The following IL7 variants were observed in gnomAD, a reference collection of about 807,000 sequenced individuals.
IL7 encodes the protein interleukin-7.
A neutral mutation model predicts 21.6 loss-of-function variants in IL7; 3 were observed. The ratio of observed to expected loss-of-function variants is 0.14; its 90% CI spans 0.06 to 0.36. IL7 has a LOEUF of 0.36. IL7 is among the 10% of genes least tolerant of loss of function. The pLI is 1.00. For synonymous variants in IL7, 62 were observed against 68.1 expected (o/e 0.91, Z 0.44); for missense variants, 175 against 200.2 (o/e 0.87, Z 0.76).
chr8:78,757,436 C>A (rs756672692), intron 2 of IL7, among the ~76,000 whole-genome samples: 1 of 152,004 alleles, frequency 6.6e-6, no homozygotes, highest in African/African-American at 2.4e-5. Flanking sequence ...TCCAATATTT[C>A]TTTGTTGATT....
intron 5 of IL7, among the ~76,000 whole-genome samples, chr8:78,735,276 C>CTTTTTTTTTTTTTTTTGTTT (rs1328298966): frequency 1.3e-5 from 1 of 78,514 alleles, no homozygotes; most frequent in Non-Finnish European, 2.3e-5. Flanking sequence ...CTTTTCTTTT[C>CTTTTTTTTTTTTTTTTGTTT]TTTTTTTTTT....
At position 78,706,345 on chromosome 8, in the gene IL7, G is replaced by T. The variant is rs376777559; in HGVS notation, n.214+15003C>A. ...AACATCCTGCTTTGCTGGAGTTGCA[G>T]TTACTTTTGCTGGGAAGTTTGGAGT... On this transcript the variant is annotated intron_variant and non_coding_transcript_variant, in intron 3 of 4. Coordinates refer to the IL7 transcript ENST00000523959. Among the ~76,000 whole-genome samples, 7 of 152,318 alleles carry T rather than the reference G, an allele frequency of 4.6e-5. No individual in the cohort carries two copies. The East Asian group carries it at 7.7e-4, about 17-fold the overall frequency.
At chr8:78,684,471 G>C (rs544983812) in intron 4 of IL7, among the ~76,000 whole-genome samples, 1 of 152,182 alleles carries the variant, frequency 6.6e-6, no homozygotes, top group African/African-American at 2.4e-5. Flanking sequence ...ACCTCCTACC[G>C]AGTACCCCCA....
chr8:78,716,855 A>T (rs954257578), downstream of IL7, among the ~76,000 whole-genome samples: 4 of 152,050 alleles, frequency 2.6e-5, no homozygotes, highest in Non-Finnish European at 4.4e-5. Context: ...TTCTCAATGT[A>T]TCTGATTGTT....
chr8:78,793,899 A>G (rs1408406894), intron 2 of IL7, among the ~76,000 whole-genome samples: 1 of 152,104 alleles, frequency 6.6e-6, no homozygotes, highest in African/African-American at 2.4e-5. Flanking sequence ...ATCTTTACTC[A>G]AAGTAAAATC....
At chr8:78,713,552 G>A (rs1172826390), downstream of IL7, among the ~76,000 whole-genome samples, 3 of 151,942 alleles carry the variant, frequency 2.0e-5, no homozygotes, top group African/African-American at 4.8e-5. Context: ...GACTCTAGTA[G>A]TTCTACAACA....
downstream of IL7, among the ~76,000 whole-genome samples, chr8:78,714,540 A>G (rs1012781062): frequency 1.3e-4 from 20 of 152,134 alleles, no homozygotes; most frequent in African/African-American, 4.6e-4. Context: ...TAGCATTTGA[A>G]TCTAAATTCA....
At chr8:78,693,388 C>T (rs1025884949) in intron 3 of IL7, among the ~76,000 whole-genome samples, 16 of 152,274 alleles carry the variant, frequency 1.1e-4, no homozygotes, top group Admixed American at 2.0e-4. Flanking sequence ...TCCTCTCCAG[C>T]ACCTGTTGTT....
At chr8:78,775,927 C>G (rs1320389328) in intron 2 of IL7, among the ~76,000 whole-genome samples, 1 of 152,028 alleles carries the variant, frequency 6.6e-6, no homozygotes, top group East Asian at 1.9e-4. Flanking sequence ...ATAGCCACTT[C>G]TACATTCTCT....
chr8:78,798,180 A>G lies in IL7; in HGVS notation c.39T>C (p.Pro13=), dbSNP rs756479112. ...HVSFRYIFGL[P]PLILVLLPVA... is the part of the protein sequence containing the mutation. ...CTGGCAACAGAACAAGGATCAGGGGAGGAAGTCCAAAGATATACCTAAAAG... is the reference window on the plus strand; with the variant it reads ...CTGGCAACAGAACAAGGATCAGGGGGGGAAGTCCAAAGATATACCTAAAAG... The change falls in exon 2 of 6, where the codon CCT becomes CCC. Residue 13 remains proline (P), a synonymous_variant. Coordinates refer to ENST00000263851, the MANE Select transcript of IL7 (RefSeq NM_000880.4). 6.2e-7 allele frequency: 1 copy of G among 1,611,316 alleles called. No individual in the cohort carries two copies. The highest frequency in any genetic ancestry group is 8.5e-7 in the Non-Finnish European group (1 of 1,178,024).
intron 2 of IL7, among the ~76,000 whole-genome samples, chr8:78,790,077 T>G (rs1444647658): frequency 6.7e-6 from 1 of 149,432 alleles, no homozygotes; most frequent in Non-Finnish European, 1.5e-5. Flanking sequence ...GCCTCTGGAA[T>G]AGAGTCACAG....
chr8:78,686,403 A>T, intron 3 of IL7: 1 of 1,206,900 alleles, frequency 8.3e-7, no homozygotes, highest in Non-Finnish European at 1.1e-6. Flanking sequence ...CTGATGTTTT[A>T]TTTCAATATA....
intron 3 of IL7, 34 bp from the exon 4 acceptor site, chr8:78,738,669 C>T (rs575780633): frequency 6.3e-7 from 1 of 1,590,280 alleles, no homozygotes; most frequent in South Asian, 1.1e-5. Flanking sequence ...GGCCATGGTT[C>T]AAATAAAATA....
intron 3 of IL7, among the ~76,000 whole-genome samples, chr8:78,689,021 A>G (rs1810117955): frequency 7.2e-6 from 1 of 138,854 alleles, no homozygotes; most frequent in Non-Finnish European, 1.5e-5. Context: ...ATTGGAAGTC[A>G]TGTACCAGCA....
rs1190816639 is a variant in IL7, at chr8:78,761,216, A to G, written c.148-21134T>C. 3 of 1,594,500 alleles carry G rather than the reference A, an allele frequency of 1.9e-6. No homozygotes were observed. In the African/African-American group the frequency reaches 4.1e-5, roughly 22 times the overall value. On this transcript the variant is annotated intron_variant, in intron 2 of 5. Transcript: ENST00000263851. ...ACTGTTCTGAAAAAGAACAGAAATT[A>G]CGTTGTCAAGTTCTAAAAGCAGTTG...
chr8:78,691,678 A>G (rs1419619943), intron 3 of IL7, among the ~76,000 whole-genome samples: 1 of 151,494 alleles, frequency 6.6e-6, no homozygotes, highest in African/African-American at 2.4e-5. Flanking sequence ...ATAAGATTTC[A>G]TTTTCTTTTT....
intron 1 of IL7, among the ~76,000 whole-genome samples, chr8:78,804,521 C>T (rs891462321): frequency 7.9e-5 from 12 of 152,196 alleles, no homozygotes; most frequent in East Asian, 1.9e-4. Context: ...TCGCCGAACC[C>T]GGGCCGCCTG....
downstream of IL7, among the ~76,000 whole-genome samples, chr8:78,732,057 G>T (rs894822596): frequency 6.6e-6 from 1 of 151,864 alleles, no homozygotes; most frequent in African/African-American, 2.4e-5. Flanking sequence ...TCTAACTAAT[G>T]GTTTACCAAT....
At chr8:78,676,452 T>C (rs1435936487) in intron 4 of IL7, among the ~76,000 whole-genome samples, 4 of 152,058 alleles carry the variant, frequency 2.6e-5, no homozygotes, top group Admixed American at 6.6e-5. Context: ...TTTTAACTAA[T>C]CTTAATAAAG....
Sources: gnomAD v4.1 joint callset for allele counts (sites outside exome capture counted in the v4.1 genomes callset) on GRCh38, gnomAD v4.1.1 for gene constraint, MANE v1.5 for transcripts, NCBI Gene and HGNC (gene_info 2026-07-23, HGNC 2026-07-21) for gene names.